Variants in ALPK1 observed in about 807,000 individuals in gnomAD.
ALPK1 encodes alpha kinase 1, also known as alpha-protein kinase 1.
In ALPK1, 110 loss-of-function variants were observed where a neutral mutation model predicts 120.6. The observed-to-expected ratio is 0.91, with a 90% confidence interval of 0.78 to 1.07. The LOEUF is 1.07. Ranked by LOEUF, ALPK1 falls within the 50% of genes least tolerant of loss-of-function variation. The pLI, the probability that ALPK1 is intolerant of heterozygous loss-of-function variation, is 0.00. For missense variants in ALPK1, 1,498 were observed against 1,483.9 expected (o/e 1.01, Z -0.16); for synonymous variants, 582 against 560.3 (o/e 1.04, Z -0.55).
At chr4:112,316,802 T>C (rs1728654381) in intron 2 of ALPK1, among the ~76,000 whole-genome samples, 1 of 151,930 alleles carries the variant, frequency 6.6e-6, no homozygotes, top group Non-Finnish European at 1.5e-5. Flanking sequence ...ACTTTGCCCA[T>C]TTTTTTTCAA....
intron 2 of ALPK1, among the ~76,000 whole-genome samples, chr4:112,369,062 C>T (rs140838828): frequency 2.9e-4 from 44 of 152,216 alleles, no homozygotes; most frequent in African/African-American, 1.0e-3. Flanking sequence ...TGCTTCCTCT[C>T]TTGACATTTT....
intron 2 of ALPK1, among the ~76,000 whole-genome samples, chr4:112,319,527 C>T (rs903379186): frequency 6.6e-6 from 1 of 152,104 alleles, no homozygotes; most frequent in African/African-American, 2.4e-5. Context: ...GCTATGCTGG[C>T]TCTTTTCTGG....
intron 2 of ALPK1, among the ~76,000 whole-genome samples, chr4:112,321,438 G>T (rs960486807): frequency 6.6e-6 from 1 of 152,108 alleles, no homozygotes; most frequent in African/African-American, 2.4e-5. Context: ...TATGACCTTA[G>T]ATTGTCTATT....
At chr4:112,324,009 T>C (rs1292377941) in intron 2 of ALPK1, among the ~76,000 whole-genome samples, 1 of 152,206 alleles carries the variant, frequency 6.6e-6, no homozygotes, top group Non-Finnish European at 1.5e-5. Flanking sequence ...AACACTGGGC[T>C]TAGGGAGCCC....
At chr4:112,409,829 C>T (rs554463226) in intron 4 of ALPK1, among the ~76,000 whole-genome samples, 4 of 152,144 alleles carry the variant, frequency 2.6e-5, no homozygotes, top group South Asian at 4.1e-4. Flanking sequence ...AAGGAAACAT[C>T]GAGAGGAGAG....
chr4:112,352,401 C>T (rs541709896), intron 2 of ALPK1, among the ~76,000 whole-genome samples: 15 of 152,268 alleles, frequency 9.9e-5, no homozygotes, highest in African/African-American at 3.6e-4. Flanking sequence ...TTACTATATA[C>T]AGTCATCCTT....
At chr4:112,307,364 C>T (rs1265034831) in intron 1 of ALPK1, among the ~76,000 whole-genome samples, 5 of 151,950 alleles carry the variant, frequency 3.3e-5, no homozygotes, top group African/African-American at 4.8e-5. Flanking sequence ...TAAACTCTCC[C>T]GTTATTATTG....
At chr4:112,354,416 C>A (rs1730504721) in intron 2 of ALPK1, among the ~76,000 whole-genome samples, 1 of 151,498 alleles carries the variant, frequency 6.6e-6, no homozygotes, top group Non-Finnish European at 1.5e-5. Flanking sequence ...ATCAAGTTCC[C>A]GTATATATGT....
chr4:112,426,587 T>C, intron 8 of ALPK1, 44 bp downstream of exon 8: 1 of 1,399,946 alleles, frequency 7.1e-7, no homozygotes. Flanking sequence ...TGTATTTGTC[T>C]TTGGATGATT....
chr4:112,375,549 G>A (rs988002032), intron 2 of ALPK1, among the ~76,000 whole-genome samples: 2 of 152,114 alleles, frequency 1.3e-5, no homozygotes, highest in African/African-American at 4.8e-5. Flanking sequence ...TTCTTCTGCA[G>A]CTTCCTCACC....
chr4:112,376,209 C>T (rs1731652454), intron 2 of ALPK1, among the ~76,000 whole-genome samples: 1 of 152,202 alleles, frequency 6.6e-6, no homozygotes, highest in Non-Finnish European at 1.5e-5. Flanking sequence ...GACGGTTAGA[C>T]TTGCTCTTAG....
In ALPK1 at chr4:112,341,734, T is replaced by C. The variant is rs530140373; in HGVS notation, c.-101+25882T>C. Among the ~76,000 whole-genome samples, 3 of 152,274 alleles carry C rather than the reference T, an allele frequency of 2.0e-5. No individual in the cohort carries two copies. The South Asian group carries it at 6.2e-4, about 32-fold the overall frequency. On this transcript the variant is annotated intron_variant, in intron 2 of 15. Coordinates refer to ENST00000650871, the MANE Select transcript of ALPK1 (RefSeq NM_025144.4). ...TTACAAGAACGAAACAACAGGTGCT[T>C]TTGTTTAGTGTTGATTCTTTTCTGA...
At chr4:112,427,764 G>A (rs925647970) in intron 9 of ALPK1, 99 bp downstream of exon 9, 11 of 818,428 alleles carry the variant, frequency 1.3e-5, no homozygotes, top group Non-Finnish European at 2.0e-5. Context: ...TGGGAGGCAG[G>A]GAGCTCAGTG....
intron 2 of ALPK1, among the ~76,000 whole-genome samples, chr4:112,326,749 G>C (rs1729135050): frequency 6.6e-6 from 1 of 152,226 alleles, no homozygotes; most frequent in African/African-American, 2.4e-5. Flanking sequence ...CTTTTGCAGA[G>C]CAGGCCTTAG....
intron 3 of ALPK1, among the ~76,000 whole-genome samples, chr4:112,381,963 C>T (rs1731930384): frequency 6.6e-6 from 1 of 152,166 alleles, no homozygotes; most frequent in Admixed American, 6.5e-5. Flanking sequence ...AAAGTGAAGT[C>T]TTAGAGAAGC....
At chr4:112,437,774 T>G (rs1423900550) in intron 12 of ALPK1, among the ~76,000 whole-genome samples, 12 of 152,236 alleles carry the variant, frequency 7.9e-5, no homozygotes. Flanking sequence ...GAGTTTACTC[T>G]GGTTGAAGTC....
At chr4:112,399,764 A>G (rs1395198070) in intron 4 of ALPK1, among the ~76,000 whole-genome samples, 2 of 151,842 alleles carry the variant, frequency 1.3e-5, no homozygotes, top group Non-Finnish European at 2.9e-5. Flanking sequence ...CCACCCCTCT[A>G]CAGGCCCCGG....
intron 7 of ALPK1, 45 bp downstream of exon 7, chr4:112,425,796 G>A: frequency 6.7e-7 from 1 of 1,492,966 alleles, no homozygotes; most frequent in Non-Finnish European, 9.3e-7. Context: ...CATTTACAAA[G>A]CCTGGCTGCA....
At chr4:112,379,539 C>T (rs1459249347) in intron 3 of ALPK1, among the ~76,000 whole-genome samples, 1 of 152,274 alleles carries the variant, frequency 6.6e-6, no homozygotes, top group Non-Finnish European at 1.5e-5. Context: ...CAGCCTGCAC[C>T]GGATCCCTTC....
Sources: gnomAD v4.1 joint callset for allele counts (sites outside exome capture counted in the v4.1 genomes callset) on GRCh38, gnomAD v4.1.1 for gene constraint, MANE v1.5 for transcripts, NCBI Gene and HGNC (gene_info 2026-07-23, HGNC 2026-07-21) for gene names.